The following CCNY variants were observed in gnomAD, a reference collection of about 807,000 sequenced individuals.
CCNY encodes the protein cyclin-Y.
CCNY carries 19 observed loss-of-function variants against 42.8 expected under a neutral mutation model. That is an observed-to-expected ratio of 0.44 (90% confidence interval 0.31 to 0.65). CCNY has a LOEUF of 0.65. Ranked by LOEUF, CCNY falls within the 30% of genes least tolerant of loss-of-function variation. CCNY has a pLI of 0.07. For synonymous variants in CCNY, 165 were observed against 162.7 expected (o/e 1.01, Z -0.11); for missense variants, 370 against 437.3 (o/e 0.85, Z 1.37).
At chr10:35,413,064 A>G (rs1006867857) in intron 1 of CCNY, among the ~76,000 whole-genome samples, 1 of 151,868 alleles carries the variant, frequency 6.6e-6, no homozygotes, top group African/African-American at 2.4e-5. Flanking sequence ...GTCTTTTGGT[A>G]TTGTGTTGGA....
chr10:35,456,294 G>A (rs1308581944), intron 1 of CCNY, among the ~76,000 whole-genome samples: 2 of 152,192 alleles, frequency 1.3e-5, no homozygotes, highest in Non-Finnish European at 2.9e-5. Context: ...GCAGCCATGT[G>A]CTTCTTGAGC....
intron 7 of CCNY, among the ~76,000 whole-genome samples, chr10:35,543,555 T>A (rs1008417835): frequency 6.6e-6 from 1 of 151,966 alleles, no homozygotes; most frequent in Non-Finnish European, 1.5e-5. Context: ...GATGCTAATA[T>A]AAGCAAACCT....
At chr10:35,566,714 T>C (rs1378887551) in intron 9 of CCNY, among the ~76,000 whole-genome samples, 1 of 152,116 alleles carries the variant, frequency 6.6e-6, no homozygotes, top group Non-Finnish European at 1.5e-5. Context: ...TTTGTTTTTT[T>C]GGGTTTTTTT....
chr10:35,274,861 C>A (rs1043689518), intron 3 of CCNY, among the ~76,000 whole-genome samples: 5 of 152,062 alleles, frequency 3.3e-5, no homozygotes, highest in African/African-American at 1.2e-4. Flanking sequence ...CACACGGGCA[C>A]AGCAGCTGCT....
At chr10:35,551,800 A>T (rs965549425) in intron 7 of CCNY, among the ~76,000 whole-genome samples, 1 of 152,254 alleles carries the variant, frequency 6.6e-6, no homozygotes, top group Non-Finnish European at 1.5e-5. Context: ...AAAAATAGGT[A>T]TATAAAATCC....
intron 3 of CCNY, among the ~76,000 whole-genome samples, chr10:35,274,850 C>T (rs1352336747): frequency 6.6e-6 from 1 of 152,000 alleles, no homozygotes; most frequent in Non-Finnish European, 1.5e-5. Context: ...AGTAAAGCTG[C>T]CACACGGGCA....
chr10:35,285,325 A>G (rs1280752711), intron 3 of CCNY, among the ~76,000 whole-genome samples: 1 of 152,064 alleles, frequency 6.6e-6, no homozygotes, highest in African/African-American at 2.4e-5. Context: ...CAGGAGCCAC[A>G]CATCTTTTTA....
At chr10:35,292,766 G>A (rs1011048260) in intron 3 of CCNY, among the ~76,000 whole-genome samples, 11 of 149,664 alleles carry the variant, frequency 7.3e-5, no homozygotes, top group African/African-American at 2.2e-4. Flanking sequence ...TATCCTGTAA[G>A]AGTGCTTTGT....
chr10:35,324,415 G>A (rs1420615939), intron 3 of CCNY, among the ~76,000 whole-genome samples: 2 of 152,208 alleles, frequency 1.3e-5, no homozygotes, highest in East Asian at 1.9e-4. Context: ...CTAAGCATAT[G>A]AGCTTATTTG....
chr10:35,530,027 T>C lies in CCNY; in HGVS notation c.456T>C (p.Leu152=). 6.2e-7 allele frequency: 1 copy of C among 1,614,152 alleles called. No individual in the cohort carries two copies. The highest frequency in any genetic ancestry group is 8.5e-7 in the Non-Finnish European group (1 of 1,179,968). Residue 152 remains leucine (L), a synonymous_variant, in exon 6 of 10, where the codon CTT becomes CTC. Coordinates refer to ENST00000374704, the MANE Select transcript of CCNY (RefSeq NM_145012.6). The surrounding 1 kb of genome is among the most constrained non-coding windows in gnomAD (Gnocchi z 4.3). ...TTTTTGATGAAAATCTTCACCCTCT[T>C]TCGGTAATCTCCTCCGTGTGTTTCA... ...LDIFDENLHP[L]SKSEVPPDYD... is the part of the protein sequence containing the mutation.
At chr10:35,380,647 A>G (rs529515333) in intron 1 of CCNY, among the ~76,000 whole-genome samples, 7 of 152,206 alleles carry the variant, frequency 4.6e-5, no homozygotes, top group Non-Finnish European at 8.8e-5. Context: ...TCACCTCCCA[A>G]TAGCCTTTTG....
upstream of CCNY, chr10:35,336,439 A>AGGGGCGGTGAC (rs1341072339): frequency 2.0e-4 from 30 of 151,678 alleles, no homozygotes; most frequent in East Asian, 2.6e-3. Flanking sequence ...GGCAGAGGGA[A>AGGGGCGGTGAC]GGGGCGGTGA....
At chr10:35,271,565 T>C (rs1437264992) in intron 3 of CCNY, among the ~76,000 whole-genome samples, 1 of 152,192 alleles carries the variant, frequency 6.6e-6, no homozygotes, top group Admixed American at 6.5e-5. Flanking sequence ...CCTAACCTGC[T>C]AGGCTTTTCT....
upstream of CCNY, among the ~76,000 whole-genome samples, chr10:35,333,319 C>G (rs1835967839): frequency 6.6e-6 from 1 of 152,164 alleles, no homozygotes. Context: ...TGGCTAGATA[C>G]ACAGGTTATT....
Position 35,303,289 on chromosome 10 carries a change from T to C in CCNY, c.-9+52663T>C, listed in dbSNP as rs539244849. ...TCCACCTCCTGGGTTCAAGCAATTC[T>C]CCTGCCTCAGCCTCCCGAGTAGCTG... On this transcript the variant is annotated intron_variant, in intron 3 of 11. Coordinates refer to the CCNY transcript ENST00000374706. 1.8e-4 allele frequency among the ~76,000 whole-genome samples: 28 copies of C among 151,824 alleles called. 1 individual carries two copies. In the South Asian group the frequency reaches 5.6e-3, roughly 31 times the overall value.
chr10:35,488,045 A>G (rs1360587083), intron 2 of CCNY, among the ~76,000 whole-genome samples: 3 of 152,164 alleles, frequency 2.0e-5, no homozygotes. Flanking sequence ...CCTTTTAATT[A>G]GTGTGATTTT....
chr10:35,474,317 C>T (rs1337796994), intron 1 of CCNY, among the ~76,000 whole-genome samples: 2 of 152,230 alleles, frequency 1.3e-5, no homozygotes, highest in Admixed American at 1.3e-4. Flanking sequence ...GGCCTGCGTG[C>T]CTCTGTAGGC....
chr10:35,337,800 G>A (rs947027083), intron 1 of CCNY, among the ~76,000 whole-genome samples: 24 of 152,002 alleles, frequency 1.6e-4, no homozygotes, highest in African/African-American at 4.8e-4. Flanking sequence ...TCCCGAGAAT[G>A]CTCTTTAAAA....
At chr10:35,368,444 C>A (rs1836856778) in intron 1 of CCNY, among the ~76,000 whole-genome samples, 1 of 152,128 alleles carries the variant, frequency 6.6e-6, no homozygotes, top group African/African-American at 2.4e-5. Context: ...ACTTTTTTGC[C>A]ATTCTTTATC....
Sources: allele counts gnomAD v4.1 joint callset (sites outside exome capture counted in the v4.1 genomes callset), GRCh38; gene constraint gnomAD v4.1.1; non-coding constraint Gnocchi (gnomAD v3.1); transcripts MANE v1.5; gene names NCBI Gene and HGNC (gene_info 2026-07-23, HGNC 2026-07-21).